GLG1: variants seen among roughly 807,000 people sequenced by gnomAD.
GLG1 encodes the protein golgi glycoprotein 1, also known as Golgi apparatus protein 1.
GLG1 carries 38 observed loss-of-function variants against 160.5 expected under a neutral mutation model. The observed-to-expected ratio is 0.24, with a 90% CI of 0.18 to 0.31. The LOEUF (loss-of-function observed/expected upper bound fraction) is 0.31. GLG1 is among the 10% of genes least tolerant of loss of function. The pLI, the probability that GLG1 is intolerant of heterozygous loss-of-function variation, is 1.00. For missense variants in GLG1, 1,373 were observed against 1,505.2 expected, an observed-to-expected ratio of 0.91 and a Z score of 1.45; for synonymous variants, 644 against 543.4, an observed-to-expected ratio of 1.19 and a Z score of -2.57.
intron 1 of GLG1, among the ~76,000 whole-genome samples, chr16:74,600,751 A>G (rs1195984357): frequency 6.6e-6 from 1 of 150,926 alleles, no homozygotes; most frequent in Non-Finnish European, 1.5e-5. Flanking sequence ...AAAAAAAAAA[A>G]AAACAAAAAA....
intron 3 of GLG1, among the ~76,000 whole-genome samples, chr16:74,506,321 G>A (rs1171910576): frequency 6.6e-6 from 1 of 151,732 alleles, no homozygotes; most frequent in African/African-American, 2.4e-5. Context: ...GCTCACACCT[G>A]TAATCCCGGC....
intron 3 of GLG1, among the ~76,000 whole-genome samples, chr16:74,506,058 C>A (rs1597281582): frequency 7.0e-6 from 1 of 142,998 alleles, no homozygotes; most frequent in African/African-American, 2.6e-5. Context: ...AAAAGAGGGC[C>A]AGGACTGTAT....
chr16:74,451,147 G>C lies in GLG1; in HGVS notation c.*2020C>G, dbSNP rs2143094567. 6.6e-6 allele frequency: 1 copy of C among 152,538 alleles called. No homozygotes were observed. The highest frequency in any genetic ancestry group is 2.1e-4 in the South Asian group (1 of 4,828). The allele number at this position is 152,538 out of a possible 1,614,324, so 9.4% of individuals were successfully genotyped here. A position where few individuals can be genotyped will look rare whatever the true frequency, so the allele number is the denominator to read the frequency against. On this transcript the variant is annotated 3_prime_UTR_variant, in exon 26 of 26. Transcript: ENST00000422840. ...GGCCTCAGCGGCCCCCAGCCCCCAG[G>C]GGAACCTGCAGAGACTCTCGGGCCG...
Position 74,457,855 on chromosome 16 carries a change from A to G in GLG1, c.3265+19T>C. 6.2e-7 allele frequency: 1 copy of G among 1,612,672 alleles called. No homozygotes were observed. Among genetic ancestry groups the G allele is most frequent in the African/African-American group, 1.3e-5 (1 of 75,020 alleles). ...CCAAGAGAGTTCAGACAGGATCAAG[A>G]GTGAACACAGAGACTTACGACGCCC... On this transcript the variant is annotated intron_variant, in intron 24 of 25. Coordinates refer to ENST00000422840, the MANE Select transcript of GLG1 (RefSeq NM_001145667.2).
At chr16:74,521,316 T>C (rs2143555409) in intron 2 of GLG1, among the ~76,000 whole-genome samples, 1 of 152,118 alleles carries the variant, frequency 6.6e-6, no homozygotes, top group Non-Finnish European at 1.5e-5. Flanking sequence ...AGAGCAGTAA[T>C]ATGAACTAAC....
chr16:74,518,908 A>G, intron 2 of GLG1, among the ~76,000 whole-genome samples: 1 of 152,212 alleles, frequency 6.6e-6, no homozygotes, highest in East Asian at 1.9e-4. Flanking sequence ...TAGTTCAACC[A>G]TTGTGGAAGA....
At chr16:74,527,438 T>C (rs973488763) in intron 2 of GLG1, among the ~76,000 whole-genome samples, 11 of 151,924 alleles carry the variant, frequency 7.2e-5, no homozygotes, top group African/African-American at 2.4e-4. Flanking sequence ...TTAGTGGAGA[T>C]GGGGTTTCAC....
intron 1 of GLG1, among the ~76,000 whole-genome samples, chr16:74,553,074 G>A (rs187038574): frequency 2.9e-3 from 435 of 152,104 alleles, no homozygotes; most frequent in African/African-American, 9.8e-3. Flanking sequence ...CAAAAAATTA[G>A]TCGGGTGTGG....
chr16:74,582,534 G>T (rs888863488), intron 1 of GLG1, among the ~76,000 whole-genome samples: 4 of 152,084 alleles, frequency 2.6e-5, no homozygotes, highest in Non-Finnish European at 5.9e-5. Flanking sequence ...TCAAAATCTG[G>T]GTTCTGCCGG....
At chr16:74,555,233 C>T (rs2018319696) in intron 1 of GLG1, among the ~76,000 whole-genome samples, 1 of 151,880 alleles carries the variant, frequency 6.6e-6, no homozygotes, top group African/African-American at 2.4e-5. Flanking sequence ...AAGCCAACTC[C>T]CCAAATTATA....
At chr16:74,589,370 A>C (rs1958123381) in intron 1 of GLG1, among the ~76,000 whole-genome samples, 1 of 152,246 alleles carries the variant, frequency 6.6e-6, no homozygotes, top group African/African-American at 2.4e-5. Flanking sequence ...AAATGAAGGA[A>C]GAAAACAATG....
At chr16:74,502,091 G>A (rs1384871500) in intron 4 of GLG1, among the ~76,000 whole-genome samples, 4 of 152,140 alleles carry the variant, frequency 2.6e-5, no homozygotes, top group East Asian at 3.9e-4. Flanking sequence ...AGTGATAGAC[G>A]CCTGCCAACC....
chr16:74,497,324 A>G (rs892672516), intron 4 of GLG1, among the ~76,000 whole-genome samples: 2 of 150,596 alleles, frequency 1.3e-5, no homozygotes, highest in African/African-American at 2.4e-5. Context: ...ACAAAAAACC[A>G]CATCGGCTCA....
At chr16:74,557,283 T>C (rs1384893411) in intron 1 of GLG1, among the ~76,000 whole-genome samples, 1 of 152,210 alleles carries the variant, frequency 6.6e-6, no homozygotes, top group African/African-American at 2.4e-5. Flanking sequence ...TTCCTGCTTA[T>C]CCATTACTAT....
chr16:74,520,066 C>A (rs1351768487), intron 2 of GLG1, among the ~76,000 whole-genome samples: 1 of 152,128 alleles, frequency 6.6e-6, no homozygotes, highest in Non-Finnish European at 1.5e-5. Flanking sequence ...CCTATACACC[C>A]ATTATTAATT....
rs2017857688 is a variant in GLG1 at position 74,541,240 on chromosome 16, C to A, written c.439-9087G>T. On this transcript the variant is annotated intron_variant, in intron 1 of 25. Coordinates refer to ENST00000422840, the MANE Select transcript of GLG1 (RefSeq NM_001145667.2). ...TTGGGAGGCTGAGGCAGAAGAATCA[C>A]TTGAACCTGGGAGGCAGAGGCTGCA... Among the ~76,000 whole-genome samples, 3 of 148,494 alleles carry A rather than the reference C, an allele frequency of 2.0e-5. 1 individual carries two copies. The South Asian group carries it at 6.4e-4, about 32-fold the overall frequency.
intron 9 of GLG1, 83 bp downstream of exon 9, chr16:74,485,713 A>G: frequency 7.6e-7 from 1 of 1,319,942 alleles, no homozygotes; most frequent in Non-Finnish European, 1.0e-6. Context: ...GTCAACAACC[A>G]CCCAAAAGTC....
At chr16:74,584,597 G>C (rs963275694) in intron 1 of GLG1, among the ~76,000 whole-genome samples, 1 of 152,014 alleles carries the variant, frequency 6.6e-6, no homozygotes, top group Non-Finnish European at 1.5e-5. Context: ...TGGGGTAGAG[G>C]GTGGGAAGCG....
chr16:74,572,459 GC>G (rs2018856330), intron 1 of GLG1, among the ~76,000 whole-genome samples: 1 of 150,030 alleles, frequency 6.7e-6, no homozygotes, highest in Non-Finnish European at 1.5e-5. Context: ...TGCAGTGTGA[GC>G]CGAGATCGCA....
Sources: gnomAD v4.1 joint callset for allele counts (sites outside exome capture counted in the v4.1 genomes callset) on GRCh38, gnomAD v4.1.1 for gene constraint, MANE v1.5 for transcripts, NCBI Gene and HGNC (gene_info 2026-07-23, HGNC 2026-07-21) for gene names.